FARP1: variants seen among roughly 807,000 people sequenced by gnomAD.
The protein encoded by FARP1 is FERM, ARHGEF and pleckstrin domain-containing protein 1.
In FARP1, 52 loss-of-function variants were observed where a neutral mutation model predicts 128.8. The ratio of observed to expected loss-of-function variants is 0.40; its 90% CI spans 0.32 to 0.51. FARP1 has a LOEUF of 0.51. Ranked by LOEUF, FARP1 falls within the 20% of genes least tolerant of loss-of-function variation. The pLI, the probability that FARP1 is intolerant of heterozygous loss-of-function variation, is 0.45. For synonymous variants in FARP1, 580 were observed against 551.8 expected (o/e 1.05, Z -0.72); for missense variants, 1,333 against 1,367.9 (o/e 0.97, Z 0.40).
In FARP1 at chr13:98,148,956, G is replaced by A. The variant is rs547330703; in HGVS notation, c.-24+5464G>A. ...GGCTGGAGTGCGGTGGCATGATCTC[G>A]GCTCACTGCAGCCTCAACTTCCTGG... On this transcript the variant is annotated intron_variant, in intron 1 of 26. Transcript: ENST00000319562. 4.0e-5 allele frequency among the ~76,000 whole-genome samples: 6 copies of A among 151,496 alleles called. No homozygotes were observed. The South Asian group carries it at 1.0e-3, about 26-fold the overall frequency.
chr13:98,437,420 TAAAG>T (rs1022738257), intron 19 of FARP1, among the ~76,000 whole-genome samples: 3 of 150,986 alleles, frequency 2.0e-5, no homozygotes, highest in South Asian at 2.1e-4. Flanking sequence ...CAGTTATAGA[TAAAG>T]AAAGGCAGGC....
At chr13:98,273,377 G>A (rs531818195) in intron 2 of FARP1, among the ~76,000 whole-genome samples, 7 of 152,226 alleles carry the variant, frequency 4.6e-5, no homozygotes, top group East Asian at 1.9e-4. Flanking sequence ...TCTGTTTTGC[G>A]AATCTTATGA....
intron 2 of FARP1, among the ~76,000 whole-genome samples, chr13:98,217,203 A>G (rs941404867): frequency 3.9e-5 from 6 of 152,266 alleles, no homozygotes; most frequent in African/African-American, 1.4e-4. Flanking sequence ...TAGGAAGAGC[A>G]GAGGAAATAA....
intron 14 of FARP1, among the ~76,000 whole-genome samples, chr13:98,409,738 T>C (rs1266828084): frequency 6.6e-6 from 1 of 152,178 alleles, no homozygotes; most frequent in Admixed American, 6.5e-5. Context: ...AGAAACTACA[T>C]CCATTTGTCA....
chr13:98,334,817 T>C (rs1249530710), intron 2 of FARP1, among the ~76,000 whole-genome samples: 1 of 152,218 alleles, frequency 6.6e-6, no homozygotes, highest in African/African-American at 2.4e-5. Flanking sequence ...AAGGAGAAGG[T>C]GGCCATCTGC....
rs1302665703 is a variant in FARP1, at chr13:98,176,834, G to C, written c.-24+33342G>C. 5.6e-6 allele frequency: 9 copies of C among 1,612,290 alleles called. No individual in the cohort carries two copies. Among genetic ancestry groups the C allele is most frequent in the Non-Finnish European group, 7.6e-6 (9 of 1,179,984 alleles). ...TGCTCCCGACCCCGCAGTGCCTCCT[G>C]GACCCGCTGGCTGCACTTGAGGATG... On this transcript the variant is annotated intron_variant, in intron 1 of 26. Transcript: ENST00000319562. The surrounding 1 kb of genome is among the most constrained non-coding windows in gnomAD (Gnocchi z 6.2).
At chr13:98,383,967 C>G (rs1594471685) in intron 6 of FARP1, 1 of 152,184 alleles carries the variant, frequency 6.6e-6, no homozygotes, top group Admixed American at 6.5e-5. Flanking sequence ...TTCCTCTTTT[C>G]TCTGCATGAT....
rs141547139 is a variant in FARP1 at position 98,384,782 on chromosome 13, T to C, written c.549T>C (p.Asn183=). 36 of 1,613,744 alleles carry C rather than the reference T, an allele frequency of 2.2e-5. No homozygotes were observed. Among genetic ancestry groups the C allele is most frequent in the Non-Finnish European group, 3.0e-5 (35 of 1,179,864 alleles). ...EALDREHLAK[N]KYIPQQDALE... ...TGGACAGAGAGCACTTAGCAAAAAA[T>C]AAATACATACCTCAGCAAGACGCAC... Residue 183 remains asparagine (N), a synonymous_variant, in exon 7 of 27, where the codon AAT becomes AAC. Coordinates refer to ENST00000319562, the MANE Select transcript of FARP1 (RefSeq NM_005766.4).
chr13:98,199,490 A>G (rs566011735), intron 1 of FARP1, among the ~76,000 whole-genome samples: 1 of 152,292 alleles, frequency 6.6e-6, no homozygotes, highest in African/African-American at 2.4e-5. Flanking sequence ...AATGGTGATG[A>G]TCTCGATTAT....
intron 2 of FARP1, among the ~76,000 whole-genome samples, chr13:98,270,175 A>G (rs1316160150): frequency 6.6e-6 from 1 of 152,202 alleles, no homozygotes; most frequent in Non-Finnish European, 1.5e-5. Context: ...TTTCTTGGGT[A>G]AATTTAGGTG....
rs1248967686 is a variant in FARP1 at position 98,395,374 on chromosome 13, A to T, written c.1312A>T (p.Lys438Ter). The change falls in exon 13 of 27, where the codon AAG becomes TAG. Residue 438 changes from lysine (K) to a stop codon, truncating the protein, a stop_gained. Coordinates refer to ENST00000319562, the MANE Select transcript of FARP1 (RefSeq NM_005766.4). LOFTEE classifies it high-confidence loss of function. ...GCCGAGGAGAAGCCCCGCGGGTAAC[A>T]AGCAGGCGGACGGAGCCGCCTCGGC... is the stretch of plus-strand genomic sequence containing the variant. ...PAPRRSPAGN[K>*]QADGAASAPT... 6.2e-7 allele frequency: 1 copy of T among 1,611,776 alleles called. No individual in the cohort carries two copies. The highest frequency in any genetic ancestry group is 8.5e-7 in the Non-Finnish European group (1 of 1,179,172).
Position 98,410,838 on chromosome 13 carries a change from T to TC in FARP1, c.1692+19dup. ...TTATCACTTCGGTATGTGCAGTATT[T>TC]CCCCAAAAGCATTCGATTACATGAT... On this transcript the variant is annotated intron_variant, in intron 15 of 26. Coordinates refer to ENST00000319562, the MANE Select transcript of FARP1 (RefSeq NM_005766.4). 1 of 1,376,136 alleles carries TC rather than the reference T, an allele frequency of 7.3e-7. No individual in the cohort carries two copies. Among genetic ancestry groups the TC allele is most frequent in the Non-Finnish European group, 1.0e-6 (1 of 970,678 alleles). The allele number at this position is 1,376,136 out of a possible 1,614,324, so 85.2% of individuals were successfully genotyped here.
chr13:98,207,054 G>C (rs971405137), intron 1 of FARP1, among the ~76,000 whole-genome samples: 4 of 152,194 alleles, frequency 2.6e-5, no homozygotes, highest in African/African-American at 9.6e-5. Context: ...AGCATCAACT[G>C]TGGTTACCCA....
intron 1 of FARP1, among the ~76,000 whole-genome samples, chr13:98,184,505 A>G (rs567695000): frequency 1.1e-4 from 17 of 152,324 alleles, no homozygotes; most frequent in African/African-American, 3.6e-4. Flanking sequence ...TGTTCATACT[A>G]TATTAACATG....
intron 1 of FARP1, among the ~76,000 whole-genome samples, chr13:98,157,019 G>A (rs1876538870): frequency 6.6e-6 from 1 of 152,224 alleles, no homozygotes; most frequent in Admixed American, 6.5e-5. Flanking sequence ...AGGACGCTGA[G>A]AGACATTATT....
At chr13:98,355,073 C>A (rs527535154) in intron 3 of FARP1, among the ~76,000 whole-genome samples, 43 of 152,174 alleles carry the variant, frequency 2.8e-4, no homozygotes, top group African/African-American at 9.1e-4. Flanking sequence ...GGTGACCAGG[C>A]AAGATGTCTC....
At position 98,192,140 on chromosome 13, in the gene FARP1, A is replaced by G. The variant is rs190943551; in HGVS notation, c.-23-21080A>G. 9.2e-5 allele frequency among the ~76,000 whole-genome samples: 14 copies of G among 152,184 alleles called. No individual in the cohort carries two copies. The East Asian group carries it at 2.7e-3, about 29-fold the overall frequency. ...TAACAAATTGAGTCCTCTGCATTTC[A>G]CAGTCTTCATGTTTGTGATTTTTGA... On this transcript the variant is annotated intron_variant, in intron 1 of 26. Transcript: ENST00000319562.
chr13:98,378,255 C>CT (rs1363376886), intron 6 of FARP1, among the ~76,000 whole-genome samples: 5 of 152,196 alleles, frequency 3.3e-5, no homozygotes, highest in Non-Finnish European at 5.9e-5. Flanking sequence ...TGGATTTAAA[C>CT]TTTATCATTG....
intron 2 of FARP1, among the ~76,000 whole-genome samples, chr13:98,268,816 G>GTGTGTA (rs1884258311): frequency 7.2e-6 from 1 of 139,038 alleles, no homozygotes. Flanking sequence ...GTGTGTGTGT[G>GTGTGTA]TGTATACAGC....
Sources: gnomAD v4.1 joint callset for allele counts (sites outside exome capture counted in the v4.1 genomes callset) on GRCh38, gnomAD v4.1.1 for gene constraint, Gnocchi (gnomAD v3.1) non-coding constraint, MANE v1.5 for transcripts, NCBI Gene and HGNC (gene_info 2026-07-23, HGNC 2026-07-21) for gene names.